Variants in CCDC171 observed in about 807,000 individuals in gnomAD.
CCDC171 encodes coiled-coil domain containing 171, also known as coiled-coil domain-containing protein 171.
CCDC171 carries 177 observed loss-of-function variants against 168.2 expected under a neutral mutation model. That is an observed-to-expected ratio of 1.05 (90% CI 0.93 to 1.19). The LOEUF (loss-of-function observed/expected upper bound fraction) is 1.19. CCDC171 is among the 50% of genes most tolerant of loss of function. The pLI is 0.00. For synonymous variants in CCDC171, 687 were observed against 540.8 expected (o/e 1.27, Z -3.75); for missense variants, 1,991 against 1,539.0 (o/e 1.29, Z -4.91).
In CCDC171 at chr9:15,716,805, A is replaced by G. The variant is rs191231159; in HGVS notation, c.1319-4964A>G. On this transcript the variant is annotated intron_variant, in intron 11 of 25. Transcript: ENST00000380701. ...GTGATGACATTAATTCATTCATGAG[A>G]GTAAAGCCCTCATAACCCAGTAACC... Among the ~76,000 whole-genome samples the G allele has an allele frequency of 2.6e-5, 4 of 152,346 alleles. No homozygotes were observed. In the East Asian group the frequency reaches 7.7e-4, roughly 29 times the overall value.
intron 6 of CCDC171, among the ~76,000 whole-genome samples, chr9:15,611,536 A>T (rs978026393): frequency 9.2e-5 from 14 of 152,130 alleles, no homozygotes; most frequent in African/African-American, 3.4e-4. Flanking sequence ...CTATGAGTGT[A>T]GGAGTCAGTG....
intron 7 of CCDC171, among the ~76,000 whole-genome samples, chr9:15,634,429 G>C (rs1031635469): frequency 2.6e-5 from 4 of 152,140 alleles, no homozygotes; most frequent in Non-Finnish European, 5.9e-5. Context: ...TTATGATGCT[G>C]TTTAATGTGC....
chr9:15,553,429 C>T (rs1304808798), intron 1 of CCDC171, 127 bp downstream of exon 1: 1 of 152,218 alleles, frequency 6.6e-6, no homozygotes, highest in African/African-American at 2.4e-5. Context: ...GGGCACGCCT[C>T]CAGCTCCCTG....
At chr9:15,939,798 T>G (rs1340673927) in intron 25 of CCDC171, among the ~76,000 whole-genome samples, 1 of 151,948 alleles carries the variant, frequency 6.6e-6, no homozygotes, top group African/African-American at 2.4e-5. Context: ...CTGGAATAAC[T>G]GATCTGTTAA....
chr9:16,087,143 C>G, the CCDC171 span, among the ~76,000 whole-genome samples: 3 of 152,152 alleles, frequency 2.0e-5, no homozygotes, highest in African/African-American at 7.2e-5. Context: ...GAGTGCTTTA[C>G]TTCCAATTAT....
At chr9:15,600,627 G>C (rs755878123) in intron 6 of CCDC171, among the ~76,000 whole-genome samples, 7 of 152,174 alleles carry the variant, frequency 4.6e-5, no homozygotes, top group South Asian at 4.1e-4. Flanking sequence ...CAGATCTCCA[G>C]CTGCATGCTG....
At chr9:15,847,463 C>G (rs535868481) in intron 22 of CCDC171, among the ~76,000 whole-genome samples, 1 of 151,942 alleles carries the variant, frequency 6.6e-6, no homozygotes, top group Non-Finnish European at 1.5e-5. Flanking sequence ...ACCAGGTAAT[C>G]AAGTTGACAT....
chr9:15,992,497 G>A (rs1165312205), intron 3 of CCDC171, among the ~76,000 whole-genome samples: 1 of 152,094 alleles, frequency 6.6e-6, no homozygotes, highest in Non-Finnish European at 1.5e-5. Flanking sequence ...ATACTGAATG[G>A]GCAAAAACTG....
At chr9:15,648,073 G>T (rs2047193687) in intron 7 of CCDC171, among the ~76,000 whole-genome samples, 1 of 152,122 alleles carries the variant, frequency 6.6e-6, no homozygotes, top group Non-Finnish European at 1.5e-5. Flanking sequence ...TTCATCCCTG[G>T]GATGCAAGGC....
intron 8 of CCDC171, among the ~76,000 whole-genome samples, chr9:15,659,207 C>T (rs939480478): frequency 3.3e-5 from 5 of 152,164 alleles, no homozygotes; most frequent in Non-Finnish European, 7.3e-5. Flanking sequence ...CAGATCCTTT[C>T]TTTATATTCT....
chr9:15,710,990 G>A (rs2134021298), intron 11 of CCDC171, among the ~76,000 whole-genome samples: 1 of 152,170 alleles, frequency 6.6e-6, no homozygotes, highest in East Asian at 1.9e-4. Context: ...TTTTCTGATT[G>A]CATCCCATTG....
At chr9:15,570,241 G>A (rs1448473645) in intron 2 of CCDC171, among the ~76,000 whole-genome samples, 2 of 152,040 alleles carry the variant, frequency 1.3e-5, no homozygotes, top group Admixed American at 1.3e-4. Flanking sequence ...AAAGTGCTTG[G>A]AGGCCAGGCG....
chr9:15,958,516 GTATTATATTATATTATATTATATTA>G (rs59603926), intron 25 of CCDC171, among the ~76,000 whole-genome samples: 4 of 136,674 alleles, frequency 2.9e-5, no homozygotes, highest in Admixed American at 2.2e-4. Context: ...CGGAGGTGAG[GTATTATATTATATTATATTATATTA>G]TATTATATTA....
chr9:15,555,602 A>G (rs961288148), intron 1 of CCDC171, among the ~76,000 whole-genome samples: 1 of 152,220 alleles, frequency 6.6e-6, no homozygotes, highest in Non-Finnish European at 1.5e-5. Context: ...CTCTGGAGTC[A>G]GCTAACTTGG....
intron 11 of CCDC171, among the ~76,000 whole-genome samples, chr9:15,704,458 T>A (rs577509163): frequency 7.9e-5 from 12 of 152,314 alleles, no homozygotes; most frequent in African/African-American, 2.9e-4. Flanking sequence ...GCGCTTTACC[T>A]CCTTTTTGTC....
intron 11 of CCDC171, among the ~76,000 whole-genome samples, chr9:15,696,710 T>C (rs2051244661): frequency 6.6e-6 from 1 of 152,222 alleles, no homozygotes; most frequent in Non-Finnish European, 1.5e-5. Context: ...CTAAGAATAA[T>C]GTGGTCATGT....
At chr9:15,944,338 C>T (rs1037525948) in intron 25 of CCDC171, among the ~76,000 whole-genome samples, 1 of 151,908 alleles carries the variant, frequency 6.6e-6, no homozygotes, top group Non-Finnish European at 1.5e-5. Flanking sequence ...AAGGCATAAT[C>T]TGTGAACATG....
chr9:15,648,006 C>A (rs940040526), intron 7 of CCDC171, among the ~76,000 whole-genome samples: 2 of 152,210 alleles, frequency 1.3e-5, no homozygotes, highest in African/African-American at 4.8e-5. Context: ...CAATAAAATA[C>A]TGGCAAACCG....
intron 21 of CCDC171, among the ~76,000 whole-genome samples, chr9:15,790,945 C>T (rs2058226373): frequency 6.6e-6 from 1 of 152,064 alleles, no homozygotes; most frequent in African/African-American, 2.4e-5. Flanking sequence ...TGTTCTGTTC[C>T]ATTGGTCTAT....
Sources: allele counts gnomAD v4.1 joint callset (sites outside exome capture counted in the v4.1 genomes callset), GRCh38; gene constraint gnomAD v4.1.1; transcripts MANE v1.5; gene names NCBI Gene and HGNC (gene_info 2026-07-23, HGNC 2026-07-21).